ZCCHC4: variants seen among roughly 807,000 people sequenced by gnomAD.
ZCCHC4 encodes rRNA N(6)-adenosine-methyltransferase ZCCHC4.
In ZCCHC4, 54 loss-of-function variants were observed where a neutral mutation model predicts 67.7. The ratio of observed to expected loss-of-function variants is 0.80; its 90% CI spans 0.64 to 1.00. ZCCHC4 has a LOEUF of 1.00. Ranked by LOEUF, ZCCHC4 falls within the 50% of genes least tolerant of loss-of-function variation. The pLI, the probability that ZCCHC4 is intolerant of heterozygous loss-of-function variation, is 0.00. For synonymous variants in ZCCHC4, 198 were observed against 213.5 expected (o/e 0.93, Z 0.63); for missense variants, 609 against 617.0 (o/e 0.99, Z 0.14).
chr4:25,341,418 A>G (rs1719751128), intron 5 of ZCCHC4, among the ~76,000 whole-genome samples: 1 of 152,078 alleles, frequency 6.6e-6, no homozygotes, highest in Non-Finnish European at 1.5e-5. Context: ...TAGTTCATGC[A>G]AGAGCTGGTT....
chr4:25,335,685 A>G (rs1262456250), intron 5 of ZCCHC4, among the ~76,000 whole-genome samples: 1 of 152,176 alleles, frequency 6.6e-6, no homozygotes, highest in Admixed American at 6.5e-5. Context: ...GCTTGACCCC[A>G]GAAGGTAGAG....
intron 12 of ZCCHC4, 99 bp downstream of exon 12, chr4:25,365,265 G>C (rs1220271360): frequency 6.5e-7 from 1 of 1,534,268 alleles, no homozygotes; most frequent in Non-Finnish European, 8.8e-7. Context: ...GAAGTGCCAA[G>C]TTAATTGTCA....
At chr4:25,358,960 A>G (rs1398978269) in intron 8 of ZCCHC4, among the ~76,000 whole-genome samples, 1 of 151,896 alleles carries the variant, frequency 6.6e-6, no homozygotes, top group Non-Finnish European at 1.5e-5. Context: ...TGGTCTACCC[A>G]CTCCCCTTGG....
chr4:25,357,433 T>A (rs952215165), intron 8 of ZCCHC4, among the ~76,000 whole-genome samples: 74 of 152,328 alleles, frequency 4.9e-4, no homozygotes, highest in African/African-American at 1.7e-3. Context: ...TTTACACAGT[T>A]ATGCTGGACT....
chr4:25,333,486 A>G lies in ZCCHC4; in HGVS notation c.605+28A>G, dbSNP rs1283074050. On this transcript the variant is annotated intron_variant, in intron 4 of 12. Transcript: ENST00000302874. ...ATGTCATGTGATTTTTTAAAGAATT[A>G]TCTTCTCACCACTATTGAAACTGTA... 3 of 1,609,416 alleles carry G rather than the reference A, an allele frequency of 1.9e-6. No homozygotes were observed. In the South Asian group the frequency reaches 3.3e-5, roughly 18 times the overall value.
At chr4:25,343,282 T>C (rs1030488631) in intron 5 of ZCCHC4, among the ~76,000 whole-genome samples, 8 of 152,222 alleles carry the variant, frequency 5.3e-5, no homozygotes, top group African/African-American at 1.9e-4. Flanking sequence ...CAGTGCAAAT[T>C]TATATTTTAG....
At chr4:25,356,412 A>C (rs1049605211) in intron 8 of ZCCHC4, among the ~76,000 whole-genome samples, 4 of 152,218 alleles carry the variant, frequency 2.6e-5, no homozygotes, top group African/African-American at 9.6e-5. Context: ...CATTTTACAT[A>C]CCATATGTTT....
At chr4:25,358,167 C>T (rs2109088877) in intron 8 of ZCCHC4, among the ~76,000 whole-genome samples, 2 of 152,296 alleles carry the variant, frequency 1.3e-5, no homozygotes, top group East Asian at 3.9e-4. Flanking sequence ...AGTTAAGGAC[C>T]TTGAGGAGAG....
intron 8 of ZCCHC4, among the ~76,000 whole-genome samples, chr4:25,361,508 G>A (rs991572202): frequency 2.3e-4 from 35 of 152,228 alleles, no homozygotes; most frequent in African/African-American, 8.2e-4. Flanking sequence ...ACATGAGCCC[G>A]TGCTTGGCCT....
intron 5 of ZCCHC4, among the ~76,000 whole-genome samples, chr4:25,343,117 C>CT (rs36031585): frequency 6.6e-6 from 1 of 152,120 alleles, no homozygotes; most frequent in Admixed American, 6.6e-5. Flanking sequence ...TACTAATACA[C>CT]TTTTTTTAAA....
In ZCCHC4 at chr4:25,346,709, A is replaced by G. The variant is rs566117121; in HGVS notation, c.759+1089A>G. Among the ~76,000 whole-genome samples the G allele has an allele frequency of 2.0e-5, 3 of 152,326 alleles. No individual in the cohort carries two copies. In the East Asian group the frequency reaches 5.8e-4, roughly 29 times the overall value. On this transcript the variant is annotated intron_variant, in intron 6 of 12. Coordinates refer to ENST00000302874, the MANE Select transcript of ZCCHC4 (RefSeq NM_024936.3). ...TTTTCAGCTGTGAAGCCATTAAAAC[A>G]AGGTATTGAAATAAACAGCAGTTAT...
At chr4:25,322,542 C>T (rs1240825915) in intron 3 of ZCCHC4, among the ~76,000 whole-genome samples, 2 of 151,866 alleles carry the variant, frequency 1.3e-5, no homozygotes, top group African/African-American at 2.4e-5. Context: ...TGAGACAGAG[C>T]CCCACTGTGT....
intron 5 of ZCCHC4, among the ~76,000 whole-genome samples, chr4:25,338,067 G>A (rs1719547668): frequency 1.3e-5 from 2 of 152,110 alleles, no homozygotes; most frequent in Admixed American, 1.3e-4. Flanking sequence ...ATATAACCTT[G>A]AAAACTTTTC....
chr4:25,343,036 C>T (rs751942970), intron 5 of ZCCHC4, among the ~76,000 whole-genome samples: 78 of 152,046 alleles, frequency 5.1e-4, no homozygotes, highest in Non-Finnish European at 1.0e-3. Context: ...TTCCTTTGGT[C>T]GTACTTATAA....
At chr4:25,331,239 C>T (rs2109062451) in intron 3 of ZCCHC4, among the ~76,000 whole-genome samples, 1 of 152,294 alleles carries the variant, frequency 6.6e-6, no homozygotes, top group East Asian at 1.9e-4. Flanking sequence ...CTTTTTAAAA[C>T]TTCTTTTGAA....
At chr4:25,314,014 A>ATTTT in intron 1 of ZCCHC4, 32 bp from the exon 2 acceptor site, 1 of 747,944 alleles carries the variant, frequency 1.3e-6, no homozygotes. Context: ...ATTACTTGAC[A>ATTTT]CTTTTTTTTT....
At position 25,353,169 on chromosome 4, in the gene ZCCHC4, T is replaced by C. The variant is rs142057667; in HGVS notation, c.1011+1480T>C. Among the ~76,000 whole-genome samples, 481 of 152,356 alleles carry C rather than the reference T, an allele frequency of 3.2e-3. 3 individuals carry two copies. Among genetic ancestry groups the C allele is most frequent in the African/African-American group, 0.011 (465 of 41,588 alleles). On this transcript the variant is annotated intron_variant, in intron 8 of 12. Transcript: ENST00000302874. ...TTTTGGACTACAGGTTGTTTTTACC[T>C]TTTAAGGTAATATAAATAACACTGC...
At chr4:25,350,223 G>A (rs1454826509) in intron 7 of ZCCHC4, among the ~76,000 whole-genome samples, 1 of 149,892 alleles carries the variant, frequency 6.7e-6, no homozygotes, top group African/African-American at 2.5e-5. Context: ...AAGTGACTTA[G>A]CCGTGTACGG....
intron 3 of ZCCHC4, among the ~76,000 whole-genome samples, chr4:25,329,797 G>A (rs1234214637): frequency 6.6e-6 from 1 of 151,954 alleles, no homozygotes; most frequent in Non-Finnish European, 1.5e-5. Flanking sequence ...CCTCCCATAA[G>A]TGCTGGGATT....
Sources: allele counts gnomAD v4.1 joint callset (sites outside exome capture counted in the v4.1 genomes callset), GRCh38; gene constraint gnomAD v4.1.1; transcripts MANE v1.5; gene names NCBI Gene and HGNC (gene_info 2026-07-23, HGNC 2026-07-21).